MPO: variants seen among roughly 807,000 people sequenced by gnomAD.
MPO encodes the protein myeloperoxidase.
A neutral mutation model predicts 69.4 loss-of-function variants in MPO; 57 were observed. The observed-to-expected ratio is 0.82, with a 90% CI of 0.66 to 1.02. MPO has a LOEUF of 1.02. MPO is among the 50% of genes least tolerant of loss of function. The pLI is 0.00. For synonymous variants in MPO, 426 were observed against 417.1 expected, an observed-to-expected ratio of 1.02 and a Z score of -0.26; for missense variants, 971 against 1,014.1, an observed-to-expected ratio of 0.96 and a Z score of 0.58.
intron 11 of MPO, 147 bp downstream of exon 11, chr17:58,271,508 C>A: frequency 2.4e-6 from 2 of 828,752 alleles, no homozygotes; most frequent in Non-Finnish European, 4.0e-6. Context: ...TAGGGGCACT[C>A]CAGGGCATCT....
At chr17:58,277,391 A>G (rs1167717898) in intron 7 of MPO, among the ~76,000 whole-genome samples, 1 of 152,248 alleles carries the variant, frequency 6.6e-6, no homozygotes, top group African/African-American at 2.4e-5. Flanking sequence ...GGGTTTATTT[A>G]ATTTAAAATA....
chr17:58,277,118 A>G (rs998398174), intron 7 of MPO, among the ~76,000 whole-genome samples: 2 of 152,110 alleles, frequency 1.3e-5, no homozygotes, highest in East Asian at 3.8e-4. Flanking sequence ...AGAAAAAAAA[A>G]AAACACTGGA....
Position 58,279,927 on chromosome 17 carries a change from C to A in MPO, c.336G>T (p.Ala112=), listed in dbSNP as rs768743982. Residue 112 remains alanine (A), a synonymous_variant, in exon 3 of 12, where the codon GCG becomes GCT. Transcript: ENST00000225275. The stretch of plus-strand genomic sequence containing the variant: ...CGTGCAGGTAGTCAGCGGCCCTCAC[C>A]GCCGTCCTGGTGGCTGCCACCGGCT... ...FKQPVAATRT[A]VRAADYLHVA... is the part of the protein sequence containing the mutation. The A allele has an allele frequency of 2.5e-6, 4 of 1,613,964 alleles. No individual in the cohort carries two copies. Among genetic ancestry groups the A allele is most frequent in the Non-Finnish European group, 3.4e-6 (4 of 1,180,030 alleles).
intron 11 of MPO, among the ~76,000 whole-genome samples, 190 bp from the exon 12 acceptor site, chr17:58,271,053 A>G (rs1970359746): frequency 6.6e-6 from 1 of 152,182 alleles, no homozygotes; most frequent in South Asian, 2.1e-4. Flanking sequence ...CGTGCAGAGT[A>G]AAGCACAGCT....
intron 2 of MPO, 133 bp downstream of exon 2, chr17:58,280,233 A>T: frequency 1.9e-6 from 2 of 1,053,950 alleles, no homozygotes. Context: ...ACACAGGGAC[A>T]GACAGACAGA....
In MPO at chr17:58,277,950, C is replaced by T; in HGVS notation, c.1081G>A (p.Gly361Arg). 1 of 1,613,464 alleles carries T rather than the reference C, an allele frequency of 6.2e-7. No homozygotes were observed. Among genetic ancestry groups the T allele is most frequent in the Non-Finnish European group, 8.5e-7 (1 of 1,180,036 alleles). ...AAGCGCTGGTTGACGGCCAGCAGCC[C>T]CAGCTGGTTGGACATGTTGCGCAGG... Reference protein sequence around the residue: ...RNLRNMSNQLGLLAVNQRFQD... With the variant: ...RNLRNMSNQLRLLAVNQRFQD... Residue 361 changes from glycine to arginine, a missense_variant, in exon 7 of 12, where the codon GGG (glycine) becomes AGG (arginine). Transcript: ENST00000225275.
rs138170955 is a variant in MPO at position 58,273,601 on chromosome 17, C to T, written c.1434G>A (p.Thr478=). The T allele has an allele frequency of 1.4e-4, 218 of 1,614,162 alleles. 1 individual carries two copies. The highest frequency in any genetic ancestry group is 1.2e-3 in the South Asian group (111 of 91,086). ...CCACTGAGTCATTGTAGGAACGGTA[C>T]GTGGGCAGGTACTTCCTCATGGCCG... ...GPTAMRKYLP[T]YRSYNDSVDP... is the part of the protein sequence containing the mutation. The change falls in exon 9 of 12, where the codon ACG becomes ACA. Residue 478 remains threonine, a synonymous_variant. Coordinates refer to ENST00000225275, the MANE Select transcript of MPO (RefSeq NM_000250.2).
intron 8 of MPO, chr17:58,274,347 AGTGTGTGTGTGTGTGT>A: frequency 1.5e-5 from 5 of 333,534 alleles, no homozygotes; most frequent in South Asian, 4.6e-5. Flanking sequence ...AGAATCTAGG[AGTGTGTGTGTGTGTGT>A]GTGTGTGTGT....
chr17:58,271,045 T>A (rs576816376), intron 11 of MPO, among the ~76,000 whole-genome samples, 182 bp from the exon 12 acceptor site: 1 of 152,280 alleles, frequency 6.6e-6, no homozygotes, highest in East Asian at 1.9e-4. Context: ...CCACTCATCG[T>A]GCAGAGTAAA....
Position 58,271,842 on chromosome 17 carries a change from C to A in MPO, c.1843G>T (p.Gly615Cys), listed in dbSNP as rs551980616. 15 of 1,614,178 alleles carry A rather than the reference C, an allele frequency of 9.3e-6. No homozygotes were observed. The South Asian group carries it at 1.5e-4, about 17-fold the overall frequency. Residue 615 changes from glycine to cysteine, a missense_variant, in exon 11 of 12, where the codon GGC becomes TGC. Coordinates refer to ENST00000225275, the MANE Select transcript of MPO (RefSeq NM_000250.2). ...FCGLPQPETV[G>C]QLGTVLRNLK... The stretch of plus-strand genomic sequence containing the variant: ...TTCCTCAGCACCGTGCCCAGCTGGC[C>A]CACAGTTTCAGGCTGCGGGAGCCCA...
chr17:58,278,270 C>G, intron 6 of MPO, 125 bp from the exon 7 acceptor site: 1 of 1,068,310 alleles, frequency 9.4e-7, no homozygotes, highest in Non-Finnish European at 1.3e-6. Flanking sequence ...TCCGGAGGCC[C>G]GAAAGGGATC....
At position 58,273,509 on chromosome 17, in the gene MPO, A is replaced by C. The variant is rs1282328043; in HGVS notation, c.1526T>G (p.Met509Arg). The change falls in exon 9 of 12, where the codon ATG becomes AGG. Residue 509 changes from methionine to arginine, a missense_variant. Met to Arg is a moderately conservative substitution (Grantham distance 91, BLOSUM62 -1). Transcript: ENST00000225275. ...CTGGTACCGATTGTCCAGGCGGAAC[A>C]TGAAGGGTTGGATGAGGGTGTGGCC... ...RYGHTLIQPF[M>R]FRLDNRYQPM... The C allele has an allele frequency of 6.2e-7, 1 of 1,614,210 alleles. No individual in the cohort carries two copies. The highest frequency in any genetic ancestry group is 1.7e-5 in the Admixed American group (1 of 60,028).
intron 10 of MPO, among the ~76,000 whole-genome samples, 169 bp downstream of exon 10, chr17:58,272,579 G>A (rs1970379910): frequency 6.6e-6 from 1 of 152,220 alleles, no homozygotes; most frequent in Non-Finnish European, 1.5e-5. Flanking sequence ...TTTATCAGGT[G>A]GGTCCGGGAA....
intron 6 of MPO, chr17:58,278,726 T>A: frequency 7.2e-6 from 4 of 553,544 alleles, no homozygotes; most frequent in Non-Finnish European, 9.8e-6. Context: ...GAGCCAGTGA[T>A]TCCACCAACA....
rs1451370125 is a variant in MPO, at chr17:58,279,068, G to C, written c.825C>G (p.Phe275Leu). The C allele has an allele frequency of 3.1e-6, 5 of 1,613,042 alleles. No individual in the cohort carries two copies. In the South Asian group the frequency reaches 5.5e-5, roughly 18 times the overall value. The change falls in exon 6 of 12, where the codon TTC (phenylalanine) becomes TTG (leucine). Residue 275 changes from phenylalanine (F) to leucine (L), a missense_variant. Coordinates refer to ENST00000225275, the MANE Select transcript of MPO (RefSeq NM_000250.2). ...TGGTCTCGCAGTTGACGCCAGTGAC[G>C]AAGGAGGCCCGGGCGGCCGGCTCAG... is the stretch of plus-strand genomic sequence containing the variant. ...FTPEPAARAS[F>L]VTGVNCETSC...
In MPO at chr17:58,270,899, G is replaced by T. The variant is rs756233510; in HGVS notation, c.2031-36C>A. Reference sequence around the variant, plus strand: ...AACACCCATGGACACTGTGCCCAAGGATATTCTGGGCTGGCAGGGCATCGA... The same window carrying T: ...AACACCCATGGACACTGTGCCCAAGTATATTCTGGGCTGGCAGGGCATCGA... On this transcript the variant is annotated intron_variant, in intron 11 of 11. Coordinates refer to ENST00000225275, the MANE Select transcript of MPO (RefSeq NM_000250.2). The surrounding 1 kb of genome is among the most constrained non-coding windows in gnomAD (Gnocchi z 4.1). The T allele has an allele frequency of 1.9e-6, 3 of 1,608,134 alleles. No individual in the cohort carries two copies. Among genetic ancestry groups the T allele is most frequent in the East Asian group, 2.2e-5 (1 of 44,854 alleles).
At position 58,270,857 on chromosome 17, in the gene MPO, C is replaced by T; in HGVS notation, c.2037G>A (p.Trp679Ter). Residue 679 changes from tryptophan to a stop codon, truncating the protein, a stop_gained, in exon 12 of 12, where the codon TGG becomes TGA. Transcript: ENST00000225275. LOFTEE classifies it high-confidence loss of function. The surrounding 1 kb of genome is among the most constrained non-coding windows in gnomAD (Gnocchi z 4.1). ...TGCTGAACACACCCTCGTTCTCCCA[C>T]CAAAACCTGCATGGGGAACACCCAT... ...FRKLRDGDRFWWENEGVFSMQ... is the reference protein window; with the variant it reads ...FRKLRDGDRF 1 of 1,613,182 alleles carries T rather than the reference C, an allele frequency of 6.2e-7. No individual in the cohort carries two copies. The highest frequency in any genetic ancestry group is 8.5e-7 in the Non-Finnish European group (1 of 1,180,028).
At position 58,279,704 on chromosome 17, in the gene MPO, C is replaced by A. The variant is rs1339875377; in HGVS notation, c.425-58G>T. ...CCGCCTCACTTCCTATCCCAGGCAA[C>A]CTGAGGCTGAGGAGCCCTGGAGACT... On this transcript the variant is annotated intron_variant, in intron 3 of 11. Transcript: ENST00000225275. 3.1e-6 allele frequency: 5 copies of A among 1,613,772 alleles called. No individual in the cohort carries two copies. The Admixed American group carries it at 8.3e-5, about 27-fold the overall frequency.
intron 8 of MPO, among the ~76,000 whole-genome samples, chr17:58,274,782 T>C (rs1970415015): frequency 6.6e-6 from 1 of 151,700 alleles, no homozygotes; most frequent in Non-Finnish European, 1.5e-5. Context: ...ATCGCACCAC[T>C]GCACTCCAGC....
Sources: allele counts gnomAD v4.1 joint callset (sites outside exome capture counted in the v4.1 genomes callset), GRCh38; gene constraint gnomAD v4.1.1; non-coding constraint Gnocchi (gnomAD v3.1); transcripts MANE v1.5; gene names NCBI Gene and HGNC (gene_info 2026-07-23, HGNC 2026-07-21).